Variants in ZNF398 observed in about 807,000 individuals in gnomAD.
The protein encoded by ZNF398 is zinc finger protein 398, also known as zinc finger DNA binding protein ZER6.
Under a neutral mutation model 41.9 loss-of-function variants are expected in ZNF398, and 18 were observed. That is an observed-to-expected ratio of 0.43 (90% confidence interval 0.30 to 0.64). ZNF398 has a LOEUF of 0.64. Ranked by LOEUF, ZNF398 falls within the 30% of genes least tolerant of loss-of-function variation. The pLI, the probability that ZNF398 is intolerant of heterozygous loss-of-function variation, is 0.14. For missense variants in ZNF398, 669 were observed against 822.8 expected, an observed-to-expected ratio of 0.81 and a Z score of 2.29; for synonymous variants, 260 against 308.8, an observed-to-expected ratio of 0.84 and a Z score of 1.66.
At chr7:149,166,348 C>G in intron 3 of ZNF398, 64 bp downstream of exon 3, 1 of 1,586,406 alleles carries the variant, frequency 6.3e-7, no homozygotes, top group African/African-American at 1.3e-5. Flanking sequence ...CAGAACAGTC[C>G]CTTTTCCTCC....
At chr7:149,144,320 T>G (rs1345999507), upstream of ZNF398, among the ~76,000 whole-genome samples, 1 of 151,836 alleles carries the variant, frequency 6.6e-6, no homozygotes, top group Admixed American at 6.6e-5. Context: ...CTTTACTACT[T>G]TTTTTTTGGA....
At chr7:149,148,970 A>T (rs1003418623) in intron 1 of ZNF398, among the ~76,000 whole-genome samples, 30 of 147,770 alleles carry the variant, frequency 2.0e-4, no homozygotes, top group African/African-American at 7.6e-4. Flanking sequence ...AAGCCAAAAG[A>T]TTGGACACCC....
At chr7:149,160,456 C>T (rs148488888) in intron 2 of ZNF398, among the ~76,000 whole-genome samples, 165 of 152,298 alleles carry the variant, frequency 1.1e-3, no homozygotes, top group African/African-American at 3.7e-3. Context: ...AGTCTTAACC[C>T]CAGTGAGGCA....
At chr7:149,156,855 C>A (rs1794991598) in intron 2 of ZNF398, among the ~76,000 whole-genome samples, 1 of 66,830 alleles carries the variant, frequency 1.5e-5, no homozygotes, top group Non-Finnish European at 3.3e-5. Flanking sequence ...GAGCGAAACT[C>A]CATTTCAAAA....
At chr7:149,142,214 A>G (rs1585507893) in intron 2 of ZNF398, among the ~76,000 whole-genome samples, 1 of 152,202 alleles carries the variant, frequency 6.6e-6, no homozygotes, top group East Asian at 1.9e-4. Flanking sequence ...TTATTTTAGG[A>G]AACATTCCTA....
At chr7:149,161,808 C>CAA (rs36116852) in intron 2 of ZNF398, among the ~76,000 whole-genome samples, 17 of 116,702 alleles carry the variant, frequency 1.5e-4, no homozygotes, top group South Asian at 5.8e-4. Context: ...TAATTAACTC[C>CAA]AAAAAAAAAA....
exon 1 of ZNF398, chr7:149,126,491 C>G (rs1826480461): frequency 7.5e-6 from 4 of 532,710 alleles, no homozygotes; most frequent in Non-Finnish European, 1.3e-5. Context: ...CCCTTGGACT[C>G]CCGGATCTGC....
intron 4 of ZNF398, among the ~76,000 whole-genome samples, chr7:149,173,785 CTTTTTTT>C (rs528703910): frequency 1.4e-5 from 1 of 71,594 alleles, no homozygotes; most frequent in Non-Finnish European, 2.7e-5. Flanking sequence ...TAGCATAATT[CTTTTTTT>C]TTTTTTTTTT....
Position 149,147,582 on chromosome 7 carries a change from G to C in ZNF398, c.-161G>C. 6.4e-6 allele frequency: 5 copies of C among 783,252 alleles called. No homozygotes were observed. Among genetic ancestry groups the C allele is most frequent in the Non-Finnish European group, 8.4e-6 (5 of 592,742 alleles). 48.5% of individuals were successfully genotyped at this position (783,252 alleles called of 1,614,324 possible). A position where few individuals can be genotyped will look rare whatever the true frequency, so the allele number is the denominator to read the frequency against. ...TCCGCCGCGTTCCTGCGCGTCCCGA[G>C]CCCCGACGGCCGCGTGAGTCCCGTC... On this transcript the variant is annotated 5_prime_UTR_variant, in exon 1 of 6. Coordinates refer to ENST00000475153, the MANE Select transcript of ZNF398 (RefSeq NM_170686.3). The surrounding 1 kb of genome is among the most constrained non-coding windows in gnomAD (Gnocchi z 5.6).
intron 2 of ZNF398, among the ~76,000 whole-genome samples, chr7:149,160,078 TTAG>T: frequency 3.0e-4 from 1 of 3,382 alleles, no homozygotes; most frequent in Admixed American, 4.6e-3. Context: ...AGGAGGATAA[TTAG>T]CTGATTAGCA....
Position 149,147,886 on chromosome 7 carries a change from G to A in ZNF398, c.24+120G>A. On this transcript the variant is annotated intron_variant, in intron 1 of 5. Transcript: ENST00000475153. The surrounding 1 kb of genome is among the most constrained non-coding windows in gnomAD (Gnocchi z 5.6). The stretch of plus-strand genomic sequence containing the variant: ...GTTCTCGGGTCCCGCCGGCCACGTC[G>A]CCTGTCGCCCGTGCTTGGCGGCTGC... The A allele has an allele frequency of 1.7e-6, 2 of 1,182,926 alleles. No individual in the cohort carries two copies. The highest frequency in any genetic ancestry group is 2.2e-6 in the Non-Finnish European group (2 of 927,808). The allele number at this position is 1,182,926 out of a possible 1,614,324, so 73.3% of individuals were successfully genotyped here. A position where few individuals can be genotyped will look rare whatever the true frequency, so the allele number is the denominator to read the frequency against.
intron 2 of ZNF398, among the ~76,000 whole-genome samples, chr7:149,138,401 G>A (rs911416703): frequency 1.3e-5 from 2 of 151,946 alleles, no homozygotes; most frequent in African/African-American, 4.8e-5. Context: ...ACAACATGGC[G>A]AAATACCATC....
At position 149,173,912 on chromosome 7, in the gene ZNF398, G is replaced by C. The variant is rs538712502; in HGVS notation, c.662-2556G>C. Among the ~76,000 whole-genome samples, 11 of 149,532 alleles carry C rather than the reference G, an allele frequency of 7.4e-5. No homozygotes were observed. In the Admixed American group the frequency reaches 7.5e-4, roughly 10 times the overall value. ...GGGTTCAAGCGATTCTCCTGCCTCA[G>C]CCTCCTGGGCAGCTAGGAAATACAG... On this transcript the variant is annotated intron_variant, in intron 4 of 5. Coordinates refer to ENST00000475153, the MANE Select transcript of ZNF398 (RefSeq NM_170686.3).
chr7:149,162,359 T>A (rs1408589658), intron 2 of ZNF398, among the ~76,000 whole-genome samples: 1 of 152,102 alleles, frequency 6.6e-6, no homozygotes, highest in African/African-American at 2.4e-5. Context: ...TTTTTTTATA[T>A]TTTTAGTAGA....
In ZNF398 at chr7:149,182,859, C is replaced by A. The variant is rs1044358; in HGVS notation, c.*3058C>A. The A allele has an allele frequency of 0.54, 81,689 of 151,896 alleles. 25,442 individuals are homozygous for A. The highest frequency in any genetic ancestry group is 0.9 in the East Asian group (4,655 of 5,162). 9.4% of individuals were successfully genotyped at this position (151,896 alleles called of 1,614,324 possible). ...TTTAGTATTGGAAACTCCTACTTCC[C>A]TTTTCATTAATAATGTGTGCAAGTT... is the stretch of plus-strand genomic sequence containing the variant. On this transcript the variant is annotated 3_prime_UTR_variant, in exon 6 of 6. Coordinates refer to ENST00000475153, the MANE Select transcript of ZNF398 (RefSeq NM_170686.3).
chr7:149,145,622 A>G (rs555081161), upstream of ZNF398, among the ~76,000 whole-genome samples: 3 of 152,328 alleles, frequency 2.0e-5, no homozygotes, highest in Non-Finnish European at 4.4e-5. Context: ...CCCCCCACAG[A>G]GGAATGGGAT....
At chr7:149,143,152 G>GAA (rs1382799416), upstream of ZNF398, among the ~76,000 whole-genome samples, 10 of 151,772 alleles carry the variant, frequency 6.6e-5, no homozygotes, top group Non-Finnish European at 1.2e-4. Context: ...AAAAAGAAAA[G>GAA]AAAAGAAAAT....
chr7:149,178,289 C>G (rs1190977007), intron 5 of ZNF398, among the ~76,000 whole-genome samples: 1 of 143,662 alleles, frequency 7.0e-6, no homozygotes, highest in African/African-American at 2.6e-5. Context: ...GAGACTCCGT[C>G]TCAAAAAAAA....
intron 2 of ZNF398, among the ~76,000 whole-genome samples, chr7:149,139,861 C>A (rs531959287): frequency 1.3e-5 from 2 of 151,592 alleles, no homozygotes; most frequent in Admixed American, 6.6e-5. Context: ...AAAAATTAGC[C>A]GGGCGTGGTG....
Sources: gnomAD v4.1 joint callset for allele counts (sites outside exome capture counted in the v4.1 genomes callset) on GRCh38, gnomAD v4.1.1 for gene constraint, Gnocchi (gnomAD v3.1) non-coding constraint, MANE v1.5 for transcripts, NCBI Gene and HGNC (gene_info 2026-07-23, HGNC 2026-07-21) for gene names.